DPY19L1: variants seen among roughly 807,000 people sequenced by gnomAD.
DPY19L1 encodes dpy-19 like C-mannosyltransferase 1.
Under a neutral mutation model 96.9 loss-of-function variants are expected in DPY19L1, and 35 were observed. The observed-to-expected ratio is 0.36, with a 90% CI of 0.28 to 0.48. The LOEUF is 0.48. DPY19L1 is among the 20% of genes least tolerant of loss of function. DPY19L1 has a pLI of 0.99. For synonymous variants in DPY19L1, 205 were observed against 252.6 expected, an observed-to-expected ratio of 0.81 and a Z score of 1.79; for missense variants, 521 against 777.9, an observed-to-expected ratio of 0.67 and a Z score of 3.93.
intron 1 of DPY19L1, among the ~76,000 whole-genome samples, chr7:35,027,256 C>T (rs1786143271): frequency 6.6e-6 from 1 of 151,900 alleles, no homozygotes; most frequent in African/African-American, 2.4e-5. Context: ...TGTCTCCATC[C>T]CTAGCACTTA....
At chr7:34,997,436 CA>C (rs397836742) in intron 6 of DPY19L1, among the ~76,000 whole-genome samples, 1,127 of 91,902 alleles carry the variant, frequency 0.012, 3 homozygotes, top group Non-Finnish European at 0.015. Context: ...ACTAAAAATA[CA>C]AAAAAAAAAA....
chr7:35,026,252 G>A (rs1459391499), intron 1 of DPY19L1, among the ~76,000 whole-genome samples: 1 of 152,184 alleles, frequency 6.6e-6, no homozygotes, highest in African/African-American at 2.4e-5. Flanking sequence ...TCACCTGGGA[G>A]TAGCTGGAAA....
chr7:35,017,553 T>C (rs914773067), intron 3 of DPY19L1, among the ~76,000 whole-genome samples: 15 of 144,314 alleles, frequency 1.0e-4, no homozygotes, highest in African/African-American at 3.9e-4. Context: ...GCACCTGTAG[T>C]CCCAGCTACT....
intron 10 of DPY19L1, among the ~76,000 whole-genome samples, chr7:34,965,274 G>T (rs888353513): frequency 1.3e-5 from 2 of 152,018 alleles, no homozygotes; most frequent in African/African-American, 4.8e-5. Context: ...ATGAATAAAT[G>T]AATTATGCTT....
intron 7 of DPY19L1, among the ~76,000 whole-genome samples, chr7:34,989,592 G>C (rs915552564): frequency 5.7e-4 from 86 of 151,164 alleles, no homozygotes; most frequent in African/African-American, 1.8e-3. Context: ...CTGCACTCCA[G>C]ACTGGGCAAC....
At chr7:34,950,610 A>T in intron 13 of DPY19L1, among the ~76,000 whole-genome samples, 1 of 152,232 alleles carries the variant, frequency 6.6e-6, no homozygotes. Context: ...AACCATGACT[A>T]AAATTCTATA....
chr7:34,964,607 G>A (rs1357868696), intron 10 of DPY19L1, among the ~76,000 whole-genome samples: 1 of 152,088 alleles, frequency 6.6e-6, no homozygotes, highest in East Asian at 1.9e-4. Flanking sequence ...TATAGTAACC[G>A]ATTGAAGAGG....
intron 6 of DPY19L1, among the ~76,000 whole-genome samples, chr7:34,997,790 T>C (rs1785327649): frequency 6.6e-6 from 1 of 152,074 alleles, no homozygotes; most frequent in Non-Finnish European, 1.5e-5. Context: ...TGGCATAAAA[T>C]TTAAGAAATT....
intron 13 of DPY19L1, among the ~76,000 whole-genome samples, chr7:34,952,140 C>A (rs1784282093): frequency 7.8e-6 from 1 of 128,576 alleles, no homozygotes; most frequent in African/African-American, 2.8e-5. Context: ...AAAAAAAAAA[C>A]CCACAACAGC....
intron 21 of DPY19L1, among the ~76,000 whole-genome samples, chr7:34,935,754 C>A (rs1369731268): frequency 1.3e-5 from 2 of 152,144 alleles, no homozygotes; most frequent in African/African-American, 4.8e-5. Context: ...AAGGAAGGTC[C>A]CAAACCAGGC....
chr7:34,969,347 G>T, intron 9 of DPY19L1, 86 bp downstream of exon 9: 1 of 666,772 alleles, frequency 1.5e-6, no homozygotes, highest in Non-Finnish European at 2.3e-6. Flanking sequence ...TAGAACCATA[G>T]AATATCTCAG....
intron 1 of DPY19L1, among the ~76,000 whole-genome samples, chr7:35,029,085 T>C (rs1345195603): frequency 1.3e-5 from 2 of 152,212 alleles, no homozygotes; most frequent in South Asian, 2.1e-4. Flanking sequence ...TCCCATCTTA[T>C]CCTGTGACTT....
At chr7:34,979,496 C>T (rs1036321536) in intron 7 of DPY19L1, among the ~76,000 whole-genome samples, 2 of 152,086 alleles carry the variant, frequency 1.3e-5, no homozygotes, top group Non-Finnish European at 2.9e-5. Flanking sequence ...TCTGACTATA[C>T]CTCCTTAGTA....
chr7:34,999,005 C>T (rs753872595), intron 6 of DPY19L1, among the ~76,000 whole-genome samples: 1 of 152,100 alleles, frequency 6.6e-6, no homozygotes, highest in Non-Finnish European at 1.5e-5. Flanking sequence ...GTCCAATATC[C>T]AATCACTAAC....
chr7:34,952,131 A>C (rs561911367), intron 13 of DPY19L1, among the ~76,000 whole-genome samples: 3 of 109,822 alleles, frequency 2.7e-5, no homozygotes, highest in East Asian at 2.9e-4. Flanking sequence ...AAAGACCACA[A>C]AAAAAAAACC....
intron 9 of DPY19L1, 37 bp downstream of exon 9, chr7:34,969,396 G>C: frequency 8.3e-7 from 1 of 1,208,404 alleles, no homozygotes; most frequent in Non-Finnish European, 1.1e-6. Flanking sequence ...AGTCAAACAT[G>C]CTAAGCTTAA....
intron 7 of DPY19L1, among the ~76,000 whole-genome samples, chr7:34,987,725 A>G (rs1029756957): frequency 6.6e-6 from 1 of 152,058 alleles, no homozygotes; most frequent in African/African-American, 2.4e-5. Context: ...CTACCAGAGT[A>G]AATATTTCTG....
intron 20 of DPY19L1, chr7:34,939,037 C>A (rs969474459): frequency 4.9e-5 from 19 of 384,390 alleles, no homozygotes; most frequent in Non-Finnish European, 7.9e-5. Context: ...TATAGTATGA[C>A]TTCGTTTATA....
chr7:34,961,255 A>G (rs565834063), intron 10 of DPY19L1, among the ~76,000 whole-genome samples: 1 of 152,194 alleles, frequency 6.6e-6, no homozygotes, highest in Non-Finnish European at 1.5e-5. Flanking sequence ...CTTGCTATAA[A>G]GTTACTGTAA....
Sources: allele counts gnomAD v4.1 joint callset (sites outside exome capture counted in the v4.1 genomes callset), GRCh38; gene constraint gnomAD v4.1.1; transcripts MANE v1.5; gene names NCBI Gene and HGNC (gene_info 2026-07-23, HGNC 2026-07-21).